Variants in ZMAT4 observed in about 807,000 individuals in gnomAD.
ZMAT4 encodes zinc finger matrin-type 4, also known as zinc finger matrin-type protein 4.
A neutral mutation model predicts 28.7 loss-of-function variants in ZMAT4; 17 were observed. The ratio of observed to expected loss-of-function variants is 0.59; its 90% CI spans 0.41 to 0.89. The LOEUF (loss-of-function observed/expected upper bound fraction) is 0.89. Ranked by LOEUF, ZMAT4 falls within the 40% of genes least tolerant of loss-of-function variation. ZMAT4 has a pLI of 0.00. For missense variants in ZMAT4, 240 were observed against 283.8 expected (o/e 0.85, Z 1.11); for synonymous variants, 117 against 109.2 (o/e 1.07, Z -0.44).
intron 2 of ZMAT4, among the ~76,000 whole-genome samples, chr8:40,824,202 A>G (rs1045483154): frequency 6.6e-6 from 1 of 152,222 alleles, no homozygotes; most frequent in Non-Finnish European, 1.5e-5. Flanking sequence ...ATTGCTGGAT[A>G]AGCCTTCCAA....
intron 6 of ZMAT4, among the ~76,000 whole-genome samples, chr8:40,569,917 G>C (rs919923398): frequency 3.9e-5 from 6 of 152,050 alleles, no homozygotes; most frequent in Non-Finnish European, 1.5e-5. Flanking sequence ...AAGAAACGTC[G>C]GTTAAACTTT....
chr8:40,631,226 G>A (rs1356585268), intron 5 of ZMAT4, among the ~76,000 whole-genome samples: 1 of 152,170 alleles, frequency 6.6e-6, no homozygotes, highest in Admixed American at 6.6e-5. Context: ...AGGCTGGAGT[G>A]CTGAGGCGAG....
At position 40,553,780 on chromosome 8, in the gene ZMAT4, A is replaced by T. The variant is rs556931414; in HGVS notation, c.675-21542T>A. ...ACCAACATGATTCCATCTCTATTACACTTTCTAGATCAATCTCTTCCTAAA... is the reference window on the plus strand; with the variant it reads ...ACCAACATGATTCCATCTCTATTACTCTTTCTAGATCAATCTCTTCCTAAA... On this transcript the variant is annotated intron_variant, in intron 6 of 6. Coordinates refer to ENST00000297737, the MANE Select transcript of ZMAT4 (RefSeq NM_024645.3). Among the ~76,000 whole-genome samples the T allele has an allele frequency of 8.5e-5, 13 of 152,278 alleles. No homozygotes were observed. The South Asian group carries it at 2.1e-3, about 24-fold the overall frequency.
chr8:40,789,129 T>A (rs1241558759), intron 2 of ZMAT4, among the ~76,000 whole-genome samples: 1 of 151,470 alleles, frequency 6.6e-6, no homozygotes, highest in African/African-American at 2.4e-5. Context: ...AAAATTCACA[T>A]CAACATTGCA....
At chr8:40,739,860 T>A (rs928172967) in intron 3 of ZMAT4, among the ~76,000 whole-genome samples, 1 of 152,204 alleles carries the variant, frequency 6.6e-6, no homozygotes, top group Non-Finnish European at 1.5e-5. Context: ...ATGTTCTCAT[T>A]ATTCAGCTCC....
chr8:40,715,511 A>AT (rs568040065), intron 3 of ZMAT4, among the ~76,000 whole-genome samples: 3 of 152,112 alleles, frequency 2.0e-5, no homozygotes, highest in Non-Finnish European at 4.4e-5. Flanking sequence ...ATGCAAAATT[A>AT]TTTTTTTCTT....
Position 40,657,235 on chromosome 8 carries a change from C to T in ZMAT4, c.577+17469G>A, listed in dbSNP as rs367899643. On this transcript the variant is annotated intron_variant, in intron 5 of 6. Coordinates refer to ENST00000297737, the MANE Select transcript of ZMAT4 (RefSeq NM_024645.3). ...TTAAAGAAATTAAGAACAAAGAAAG[C>T]GTGTTATGCTAATACACGTATTTAT... Among the ~76,000 whole-genome samples, 4 of 152,046 alleles carry T rather than the reference C, an allele frequency of 2.6e-5. No individual in the cohort carries two copies. In the East Asian group the frequency reaches 7.7e-4, roughly 29 times the overall value.
intron 6 of ZMAT4, among the ~76,000 whole-genome samples, chr8:40,579,922 C>T (rs541711766): frequency 6.6e-6 from 1 of 152,084 alleles, no homozygotes; most frequent in South Asian, 2.1e-4. Context: ...GCTCCGGGTG[C>T]ACACGTGGCA....
intron 3 of ZMAT4, among the ~76,000 whole-genome samples, chr8:40,710,247 T>C (rs148479111): frequency 3.5e-4 from 53 of 152,276 alleles, no homozygotes; most frequent in African/African-American, 1.1e-3. Flanking sequence ...AATTTCTCAG[T>C]TAATTATACT....
intron 3 of ZMAT4, among the ~76,000 whole-genome samples, chr8:40,726,892 T>C (rs1284630761): frequency 1.3e-5 from 2 of 152,216 alleles, no homozygotes; most frequent in Non-Finnish European, 2.9e-5. Context: ...GAGCATAGTT[T>C]GACTAAGGTA....
At chr8:40,672,921 C>T (rs1180407904) in intron 5 of ZMAT4, among the ~76,000 whole-genome samples, 2 of 152,218 alleles carry the variant, frequency 1.3e-5, no homozygotes, top group African/African-American at 2.4e-5. Flanking sequence ...ATCCAACATA[C>T]TGAAATAGGA....
intron 1 of ZMAT4, among the ~76,000 whole-genome samples, chr8:40,875,117 G>A (rs1418165329): frequency 6.6e-6 from 1 of 152,202 alleles, no homozygotes; most frequent in Non-Finnish European, 1.5e-5. Context: ...CAGGGACAAA[G>A]CTAGATGCTT....
intron 6 of ZMAT4, among the ~76,000 whole-genome samples, chr8:40,575,999 C>T (rs150027426): frequency 6.6e-6 from 1 of 151,762 alleles, no homozygotes; most frequent in East Asian, 1.9e-4. Context: ...TTGGCAATGA[C>T]AAATTCAATG....
chr8:40,589,770 CTT>C (rs1351707711), intron 5 of ZMAT4, among the ~76,000 whole-genome samples: 2 of 142,756 alleles, frequency 1.4e-5, no homozygotes, highest in African/African-American at 5.1e-5. Context: ...CTTTTTCTTT[CTT>C]TCTTTCCTTT....
intron 6 of ZMAT4, among the ~76,000 whole-genome samples, chr8:40,564,276 T>A (rs1298806027): frequency 2.0e-5 from 3 of 152,172 alleles, no homozygotes; most frequent in African/African-American, 7.2e-5. Flanking sequence ...TTTGTATTGA[T>A]CACTTCTCTT....
intron 3 of ZMAT4, among the ~76,000 whole-genome samples, chr8:40,764,497 C>T (rs1000939061): frequency 6.6e-6 from 1 of 152,064 alleles, no homozygotes; most frequent in African/African-American, 2.4e-5. Flanking sequence ...GGGGTGGGAG[C>T]AGGGTTCATA....
chr8:40,627,484 T>G (rs1806418892), intron 5 of ZMAT4, among the ~76,000 whole-genome samples: 1 of 152,230 alleles, frequency 6.6e-6, no homozygotes, highest in Non-Finnish European at 1.5e-5. Context: ...TTTACTGTTT[T>G]ACTGTCTTTG....
chr8:40,843,497 A>G (rs1481555487), intron 1 of ZMAT4, among the ~76,000 whole-genome samples: 1 of 152,284 alleles, frequency 6.6e-6, no homozygotes, highest in South Asian at 2.1e-4. Context: ...CAGGGGACAG[A>G]ATGCTTCCCA....
intron 5 of ZMAT4, among the ~76,000 whole-genome samples, chr8:40,644,384 A>G (rs939102537): frequency 2.0e-5 from 3 of 152,056 alleles, no homozygotes; most frequent in African/African-American, 7.2e-5. Context: ...GAAAATAAGG[A>G]AGTACAGAAA....
Sources: allele counts gnomAD v4.1 joint callset (sites outside exome capture counted in the v4.1 genomes callset), GRCh38; gene constraint gnomAD v4.1.1; transcripts MANE v1.5; gene names NCBI Gene and HGNC (gene_info 2026-07-23, HGNC 2026-07-21).